Variants in NCLN observed in about 807,000 individuals in gnomAD.
NCLN encodes BOS complex subunit NCLN.
Under a neutral mutation model 69.5 loss-of-function variants are expected in NCLN, and 34 were observed. The ratio of observed to expected loss-of-function variants is 0.49; its 90% CI spans 0.37 to 0.65. The LOEUF (loss-of-function observed/expected upper bound fraction) is 0.65, where lower values mean the gene tolerates loss of function less well. NCLN is among the 30% of genes least tolerant of loss of function. NCLN has a pLI of 0.00. For synonymous variants in NCLN, 393 were observed against 358.3 expected (o/e 1.10, Z -1.09); for missense variants, 710 against 804.8 (o/e 0.88, Z 1.42).
Position 3,207,250 on chromosome 19 carries a change from A to G in NCLN, c.1552A>G (p.Arg518Gly). 3 of 1,613,748 alleles carry G rather than the reference A, an allele frequency of 1.9e-6. No individual in the cohort carries two copies. Among genetic ancestry groups the G allele is most frequent in the Non-Finnish European group, 1.7e-6 (2 of 1,180,014 alleles). Residue 518 changes from arginine (R) to glycine (G), a missense_variant and splice_region_variant, in exon 13 of 15, where the codon AGA (arginine) becomes GGA (glycine). By Grantham distance (125) the Arg-to-Gly change is moderately radical. Coordinates refer to ENST00000246117, the MANE Select transcript of NCLN (RefSeq NM_020170.4). ...DQLKQVMNAY[R>G]VKPAVFDLLL... The stretch of plus-strand genomic sequence containing the variant: ...GCTGAAGCAAGTGATGAATGCGTAC[A>G]GGTGAGTGGTGGCCAGCGGGACCTG...
chr19:3,194,744 CTTTTTT>C (rs745406038), intron 3 of NCLN, among the ~76,000 whole-genome samples: 2 of 136,490 alleles, frequency 1.5e-5, no homozygotes, highest in African/African-American at 2.7e-5. Flanking sequence ...GAGTCGTCTT[CTTTTTT>C]TTTTTTTTTT....
At chr19:3,196,717 A>C (rs2144905306) in intron 4 of NCLN, among the ~76,000 whole-genome samples, 1 of 152,308 alleles carries the variant, frequency 6.6e-6, no homozygotes, top group African/African-American at 2.4e-5. Context: ...CAGAGTCAAG[A>C]GAGGGTGGGG....
At chr19:3,203,877 CGGT>C (rs767290663) in intron 7 of NCLN, 33 bp downstream of exon 7, 4 of 1,604,224 alleles carry the variant, frequency 2.5e-6, no homozygotes, top group Non-Finnish European at 3.4e-6. Flanking sequence ...GGGGGTGCCG[CGGT>C]GGTGGTGCCG....
intron 2 of NCLN, 81 bp downstream of exon 2, chr19:3,192,741 T>C: frequency 7.8e-7 from 1 of 1,276,936 alleles, no homozygotes; most frequent in South Asian, 1.6e-5. Flanking sequence ...CCTAGGCGGG[T>C]CACTTCGCCT....
Position 3,196,214 on chromosome 19 carries a change from C to T in NCLN, c.552C>T (p.Phe184=). 1 of 1,556,086 alleles carries T rather than the reference C, an allele frequency of 6.4e-7. No individual in the cohort carries two copies. Among genetic ancestry groups the T allele is most frequent in the East Asian group, 2.4e-5 (1 of 41,348 alleles). ...TGCGCACGGCCACTGCCAACGGCTT[C>T]CAGATGGTCACCAGCGGGGTACAGA... ...VLLRTATANG[F]QMVTSGVQSK... is the part of the protein sequence containing the mutation. Residue 184 remains phenylalanine, a synonymous_variant, in exon 4 of 15, where the codon TTC becomes TTT. Transcript: ENST00000246117.
At chr19:3,191,605 GA>G (rs1285339618) in intron 1 of NCLN, among the ~76,000 whole-genome samples, 4 of 152,236 alleles carry the variant, frequency 2.6e-5, no homozygotes, top group African/African-American at 9.6e-5. Context: ...AGGCTTCAGG[GA>G]AGGGCCGTCC....
intron 1 of NCLN, among the ~76,000 whole-genome samples, chr19:3,191,090 T>G (rs1915811917): frequency 6.8e-6 from 1 of 146,878 alleles, no homozygotes; most frequent in Admixed American, 6.8e-5. Flanking sequence ...AGCAGGGAGA[T>G]CGTCGCGGTG....
Position 3,203,799 on chromosome 19 carries a change from T to G in NCLN, c.844T>G (p.Tyr282Asp). ...TGCGTCTGGAGGAGGCAAGTTTAAC[T>G]ACCAGGGAACCAAGCGCTGGCTGGA... ...FFASGGGKFN[Y>D]QGTKRWLEDN... is the part of the protein sequence containing the mutation. The change falls in exon 7 of 15, where the codon TAC becomes GAC. Residue 282 changes from tyrosine (Y) to aspartate (D), a missense_variant. Transcript: ENST00000246117. 6.2e-7 allele frequency: 1 copy of G among 1,613,362 alleles called. No homozygotes were observed. Among genetic ancestry groups the G allele is most frequent in the East Asian group, 2.2e-5 (1 of 44,880 alleles).
chr19:3,190,224 G>C (rs1239343051), intron 1 of NCLN, among the ~76,000 whole-genome samples: 1 of 152,204 alleles, frequency 6.6e-6, no homozygotes, highest in Non-Finnish European at 1.5e-5. Flanking sequence ...GGCCTCCCAA[G>C]GGCAGAGGAA....
At chr19:3,192,046 G>A (rs1247977505) in intron 1 of NCLN, among the ~76,000 whole-genome samples, 2 of 152,164 alleles carry the variant, frequency 1.3e-5, no homozygotes, top group Non-Finnish European at 2.9e-5. Context: ...AAATTAGCCG[G>A]GCATGGTGGT....
At chr19:3,206,520 C>T in intron 12 of NCLN, 95 bp downstream of exon 12, 5 of 1,381,184 alleles carry the variant, frequency 3.6e-6, no homozygotes, top group Non-Finnish European at 4.8e-6. Flanking sequence ...TGGGGGATGC[C>T]AGGTGGAGCA....
rs1282689370 is a variant in NCLN, at chr19:3,207,258, G to C, written c.1553+7G>C. The C allele has an allele frequency of 2.5e-6, 4 of 1,613,548 alleles. No individual in the cohort carries two copies. Among genetic ancestry groups the C allele is most frequent in the African/African-American group, 1.3e-5 (1 of 74,946 alleles). ...AAGTGATGAATGCGTACAGGTGAGT[G>C]GTGGCCAGCGGGACCTGGAGCCCTT... On this transcript the variant is annotated splice_region_variant and intron_variant, in intron 13 of 14. Transcript: ENST00000246117.
At chr19:3,186,741 G>C (rs771024069) in intron 1 of NCLN, among the ~76,000 whole-genome samples, 10 of 152,148 alleles carry the variant, frequency 6.6e-5, no homozygotes, top group Non-Finnish European at 1.2e-4. Context: ...ACTGCGTTTG[G>C]AGTTAAAGGT....
intron 6 of NCLN, among the ~76,000 whole-genome samples, chr19:3,202,754 T>G (rs1916160575): frequency 6.6e-6 from 1 of 151,172 alleles, no homozygotes; most frequent in South Asian, 2.1e-4. Flanking sequence ...AAAACTTGTT[T>G]TTTTTTTTTT....
At chr19:3,203,506 G>A (rs1916178917) in intron 6 of NCLN, among the ~76,000 whole-genome samples, 2 of 152,226 alleles carry the variant, frequency 1.3e-5, no homozygotes, top group East Asian at 3.9e-4. Context: ...GGAAGCTCCC[G>A]GTATGGGGTG....
chr19:3,187,888 A>G (rs1915710949), intron 1 of NCLN, among the ~76,000 whole-genome samples: 1 of 151,948 alleles, frequency 6.6e-6, no homozygotes, highest in South Asian at 2.1e-4. Flanking sequence ...TTCCCGGGGG[A>G]AGGGTCCTGA....
At chr19:3,190,079 C>A (rs1291595800) in intron 1 of NCLN, among the ~76,000 whole-genome samples, 1 of 152,220 alleles carries the variant, frequency 6.6e-6, no homozygotes, top group African/African-American at 2.4e-5. Flanking sequence ...TCTCCCGGCC[C>A]CAAAGGGGTG....
At chr19:3,199,084 C>T (rs1256624321) in intron 5 of NCLN, among the ~76,000 whole-genome samples, 187 bp downstream of exon 5, 3 of 152,194 alleles carry the variant, frequency 2.0e-5, no homozygotes, top group African/African-American at 2.4e-5. Flanking sequence ...GAAACAGGCC[C>T]GGCTCTTGCC....
In NCLN at chr19:3,204,031, G is replaced by T; in HGVS notation, c.916G>T (p.Ala306Ser). 1 of 1,574,232 alleles carries T rather than the reference G, an allele frequency of 6.4e-7. No homozygotes were observed. Among genetic ancestry groups the T allele is most frequent in the East Asian group, 2.3e-5 (1 of 42,918 alleles). The part of the protein sequence containing the change: ...TDSSLLQDNV[A>S]FVLCLDTVGR... The stretch of plus-strand genomic sequence containing the variant: ...CTCCAGCCTGCTTCAGGACAATGTG[G>T]CCTTCGTGCTGTGCCTGGACACCGT... The change falls in exon 8 of 15, where the codon GCC becomes TCC. Residue 306 changes from alanine (A) to serine (S), a missense_variant. Physicochemically the swap from Ala to Ser is moderately conservative, Grantham distance 99. Transcript: ENST00000246117.
Sources: gnomAD v4.1 joint callset for allele counts (sites outside exome capture counted in the v4.1 genomes callset) on GRCh38, gnomAD v4.1.1 for gene constraint, MANE v1.5 for transcripts, NCBI Gene and HGNC (gene_info 2026-07-23, HGNC 2026-07-21) for gene names.